PPHLN1: variants seen among roughly 807,000 people sequenced by gnomAD.
PPHLN1 encodes the protein periphilin-1.
In PPHLN1, 29 loss-of-function variants were observed where a neutral mutation model predicts 51.3. That is an observed-to-expected ratio of 0.57 (90% CI 0.42 to 0.77). The LOEUF (loss-of-function observed/expected upper bound fraction) is 0.77, where lower values mean the gene tolerates loss of function less well. Among genes scored for constraint, PPHLN1 ranks in the 30% least tolerant of loss-of-function variants. PPHLN1 has a pLI of 0.00. For missense variants in PPHLN1, 436 were observed against 438.4 expected (o/e 0.99, Z 0.05); for synonymous variants, 147 against 147.8 (o/e 0.99, Z 0.04).
At chr12:42,423,557 C>A (rs769029832) in intron 9 of PPHLN1, among the ~76,000 whole-genome samples, 3 of 152,028 alleles carry the variant, frequency 2.0e-5, no homozygotes, top group Admixed American at 6.6e-5. Flanking sequence ...TTCTATTATC[C>A]TACATTTCTA....
intron 9 of PPHLN1, among the ~76,000 whole-genome samples, chr12:42,417,413 G>A (rs919549387): frequency 3.3e-5 from 5 of 152,090 alleles, no homozygotes; most frequent in Non-Finnish European, 7.4e-5. Flanking sequence ...AGGGGGAAAT[G>A]GGATAGGGAG....
chr12:42,442,507 CGAATAAATACAA>C (rs754214535), downstream of PPHLN1: 37 of 1,271,842 alleles, frequency 2.9e-5, no homozygotes, highest in Non-Finnish European at 4.0e-5. Flanking sequence ...CTGTCTGTAC[CGAATAAATACAA>C]GCGGCTCCAG....
chr12:42,424,712 C>A (rs117423705), intron 9 of PPHLN1, among the ~76,000 whole-genome samples: 6 of 152,052 alleles, frequency 3.9e-5, no homozygotes, highest in Non-Finnish European at 7.4e-5. Flanking sequence ...TACCCCCACT[C>A]GCTTCAGCCA....
chr12:42,407,553 A>G (rs1440998778), intron 9 of PPHLN1, among the ~76,000 whole-genome samples: 3 of 152,134 alleles, frequency 2.0e-5, no homozygotes, highest in Admixed American at 2.0e-4. Flanking sequence ...GCCCAGCCCA[A>G]AATCAACTGG....
At chr12:42,327,782 A>C (rs1332194850) in intron 1 of PPHLN1, among the ~76,000 whole-genome samples, 1 of 152,208 alleles carries the variant, frequency 6.6e-6, no homozygotes, top group East Asian at 1.9e-4. Context: ...TAAGACAGTC[A>C]GTTATTTCTT....
intron 9 of PPHLN1, among the ~76,000 whole-genome samples, chr12:42,438,586 TG>T (rs1268952309): frequency 6.6e-6 from 1 of 152,134 alleles, no homozygotes; most frequent in Non-Finnish European, 1.5e-5. Flanking sequence ...TGTTTCTTAC[TG>T]TTTTTTTGTT....
intron 2 of PPHLN1, among the ~76,000 whole-genome samples, chr12:42,338,629 G>A (rs2071041379): frequency 6.6e-6 from 1 of 152,206 alleles, no homozygotes; most frequent in Non-Finnish European, 1.5e-5. Flanking sequence ...TTCAGTGTGT[G>A]ACAATGAGAA....
chr12:42,447,695 G>C (rs1295779179), downstream of PPHLN1: 2 of 151,936 alleles, frequency 1.3e-5, no homozygotes, highest in African/African-American at 4.8e-5. Flanking sequence ...TTGAATTCTG[G>C]CATTATTTTT....
chr12:42,359,358 C>T (rs965189962), intron 4 of PPHLN1: 2 of 152,118 alleles, frequency 1.3e-5, no homozygotes, highest in African/African-American at 2.4e-5. Flanking sequence ...AATATAAAGC[C>T]TCTGTCTTCA....
chr12:42,393,661 G>A lies in PPHLN1; in HGVS notation c.740G>A (p.Ser247Asn), dbSNP rs2077931504. ...AAEKLEKSDE[S>N]NLPEISEYEA... ...GAAAAGCTAGAGAAATCAGATGAAA[G>A]TAACTTGCCTGAAATTTCTGAGTAT... The change falls in exon 8 of 10, where the codon AGT becomes AAT. Residue 247 changes from serine to asparagine, a missense_variant. Ser to Asn is a conservative substitution (Grantham distance 46, BLOSUM62 1). Transcript: ENST00000358314. 2 of 1,609,022 alleles carry A rather than the reference G, an allele frequency of 1.2e-6. No homozygotes were observed. The highest frequency in any genetic ancestry group is 2.2e-5 in the South Asian group (2 of 90,098).
chr12:42,395,830 A>ACCT (rs2078152139), intron 8 of PPHLN1, among the ~76,000 whole-genome samples: 2 of 152,208 alleles, frequency 1.3e-5, no homozygotes, highest in African/African-American at 4.8e-5. Flanking sequence ...GATAGATAGA[A>ACCT]TGAATGCTTA....
Position 42,382,939 on chromosome 12 carries a change from ATC to A in PPHLN1, c.512-1997_512-1996del, listed in dbSNP as rs1449283505. Reference sequence around the variant, plus strand: ...TAAGTACAGTGGTGGTGTTTCTATTATCTCTTGTTGTGTTACAAAAAACAAAA... The same window carrying A: ...TAAGTACAGTGGTGGTGTTTCTATTATCTTGTTGTGTTACAAAAAACAAAA... On this transcript the variant is annotated intron_variant, in intron 5 of 9. Transcript: ENST00000358314. 3.3e-5 allele frequency among the ~76,000 whole-genome samples: 5 copies of A among 152,338 alleles called. No homozygotes were observed. In the East Asian group the frequency reaches 7.7e-4, roughly 23 times the overall value.
At chr12:42,343,810 C>T (rs78449804) in intron 2 of PPHLN1, 2 of 405,704 alleles carry the variant, frequency 4.9e-6, no homozygotes, top group South Asian at 1.8e-5. Flanking sequence ...GATGCCTTAG[C>T]TCTCTGGGTC....
chr12:42,416,111 A>G (rs1332107542), intron 9 of PPHLN1, among the ~76,000 whole-genome samples: 2 of 152,192 alleles, frequency 1.3e-5, no homozygotes, highest in African/African-American at 4.8e-5. Context: ...GGAATAATCA[A>G]CAATTATCAG....
At chr12:42,400,951 C>T (rs1218926809) in intron 9 of PPHLN1, among the ~76,000 whole-genome samples, 5 of 152,104 alleles carry the variant, frequency 3.3e-5, no homozygotes, top group African/African-American at 1.2e-4. Flanking sequence ...AATACAGTCC[C>T]TGATTTCTCC....
At chr12:42,431,628 G>A (rs2082044969) in intron 9 of PPHLN1, 8 of 816,652 alleles carry the variant, frequency 9.8e-6, no homozygotes, top group Admixed American at 6.3e-5. Flanking sequence ...TGTTGTAAAT[G>A]TAATGTAAAA....
chr12:42,425,150 G>A (rs1373511885), intron 9 of PPHLN1, among the ~76,000 whole-genome samples: 7 of 150,712 alleles, frequency 4.6e-5, no homozygotes, highest in South Asian at 2.1e-4. Context: ...GCGCGATCTC[G>A]GCTCACTGCA....
At chr12:42,446,340 T>C, downstream of PPHLN1, 5 of 1,526,252 alleles carry the variant, frequency 3.3e-6, no homozygotes, top group South Asian at 1.3e-5. Context: ...GTACCTACTA[T>C]ACCCTATTAA....
chr12:42,412,730 A>C (rs1401298666), intron 9 of PPHLN1, among the ~76,000 whole-genome samples: 1 of 152,230 alleles, frequency 6.6e-6, no homozygotes, highest in Non-Finnish European at 1.5e-5. Context: ...GTAGTAATTT[A>C]CATTCCCACC....
Sources: gnomAD v4.1 joint callset for allele counts (sites outside exome capture counted in the v4.1 genomes callset) on GRCh38, gnomAD v4.1.1 for gene constraint, MANE v1.5 for transcripts, NCBI Gene and HGNC (gene_info 2026-07-23, HGNC 2026-07-21) for gene names.